CEP41: variants seen among roughly 807,000 people sequenced by gnomAD.
CEP41 encodes centrosomal protein of 41 kDa.
A neutral mutation model predicts 44.3 loss-of-function variants in CEP41; 32 were observed. The ratio of observed to expected loss-of-function variants is 0.72; its 90% CI spans 0.54 to 0.97. The LOEUF (loss-of-function observed/expected upper bound fraction) is 0.97. Ranked by LOEUF, CEP41 falls within the 50% of genes least tolerant of loss-of-function variation. The pLI is 0.00. For missense variants in CEP41, 432 were observed against 455.2 expected (o/e 0.95, Z 0.46); for synonymous variants, 151 against 168.5 (o/e 0.90, Z 0.80).
chr7:130,441,053 G>T (rs28403587), upstream of CEP41: 5 of 1,440,260 alleles, frequency 3.5e-6, no homozygotes, highest in Non-Finnish European at 3.9e-6. Flanking sequence ...TTGTTCAGCC[G>T]CCTCCCTATA....
At chr7:130,435,579 T>C (rs1163077956) in intron 1 of CEP41, among the ~76,000 whole-genome samples, 3 of 152,098 alleles carry the variant, frequency 2.0e-5, no homozygotes, top group Non-Finnish European at 2.9e-5. Context: ...ATAAAAAATA[T>C]TGACAGTGTT....
At chr7:130,439,589 G>A (rs782234832) in intron 1 of CEP41, among the ~76,000 whole-genome samples, 7 of 152,080 alleles carry the variant, frequency 4.6e-5, no homozygotes, top group South Asian at 2.1e-4. Context: ...CTATGAGCTG[G>A]ACTTTTTAAG....
intron 2 of CEP41, among the ~76,000 whole-genome samples, chr7:130,424,782 C>T (rs782583211): frequency 6.6e-6 from 1 of 151,836 alleles, no homozygotes; most frequent in African/African-American, 2.4e-5. Context: ...TCATTGGGAT[C>T]GAGGCCAGGC....
intron 1 of CEP41, among the ~76,000 whole-genome samples, chr7:130,436,322 G>A (rs1425099021): frequency 2.0e-5 from 3 of 151,854 alleles, no homozygotes; most frequent in East Asian, 1.9e-4. Flanking sequence ...GTCACATACT[G>A]TATGATTCCA....
intron 5 of CEP41, among the ~76,000 whole-genome samples, chr7:130,406,282 T>G (rs924502040): frequency 3.9e-5 from 6 of 152,130 alleles, no homozygotes. Context: ...AATAAAGTTT[T>G]TTTAAAAATA....
chr7:130,417,610 C>T (rs1708128577), intron 2 of CEP41, among the ~76,000 whole-genome samples: 1 of 152,166 alleles, frequency 6.6e-6, no homozygotes, highest in African/African-American at 2.4e-5. Flanking sequence ...TTCTATAATA[C>T]TAGTACTGGC....
chr7:130,397,727 T>A lies in CEP41; in HGVS notation c.*1164A>T, dbSNP rs1554415422. 2.2e-6 allele frequency: 1 copy of A among 454,040 alleles called. No homozygotes were observed. Among genetic ancestry groups the A allele is most frequent in the Non-Finnish European group, 4.4e-6 (1 of 226,662 alleles). 28.1% of individuals were successfully genotyped at this position (454,040 alleles called of 1,614,324 possible). On this transcript the variant is annotated 3_prime_UTR_variant, in exon 11 of 11. Coordinates refer to ENST00000223208, the MANE Select transcript of CEP41 (RefSeq NM_018718.3). ...GCTCTTTTCCATCTGATTTCAGAGT[T>A]CCTCATCCTTACCTGAGGCCTTTTG...
At chr7:130,421,907 T>C (rs1797520284) in intron 2 of CEP41, 1 of 1,532,946 alleles carries the variant, frequency 6.5e-7, no homozygotes, top group South Asian at 1.2e-5. Flanking sequence ...AACCCTGCGG[T>C]GGTGACTGAA....
upstream of CEP41, chr7:130,441,041 C>T (rs546314125): frequency 3.2e-5 from 49 of 1,512,002 alleles, no homozygotes; most frequent in Middle Eastern, 3.4e-4. Flanking sequence ...ACCCCCACAA[C>T]CTTGTTCAGC....
At chr7:130,407,966 T>A (rs1192183087) in intron 5 of CEP41, among the ~76,000 whole-genome samples, 2 of 152,188 alleles carry the variant, frequency 1.3e-5, no homozygotes, top group African/African-American at 4.8e-5. Context: ...ATTAGCTCTT[T>A]AATATAATGT....
At chr7:130,421,316 C>T in intron 2 of CEP41, 1 of 985,414 alleles carries the variant, frequency 1.0e-6, no homozygotes. Flanking sequence ...TGCTAAGAGA[C>T]AACTCCATGG....
At chr7:130,413,420 A>G (rs1797242461) in intron 3 of CEP41, among the ~76,000 whole-genome samples, 1 of 152,212 alleles carries the variant, frequency 6.6e-6, no homozygotes, top group African/African-American at 2.4e-5. Flanking sequence ...ATCCCAACTA[A>G]TAATACAAAA....
intron 2 of CEP41, among the ~76,000 whole-genome samples, chr7:130,424,760 T>C (rs1797612041): frequency 6.6e-6 from 1 of 151,772 alleles, no homozygotes; most frequent in Admixed American, 6.6e-5. Context: ...AAAATCATGG[T>C]AGAAAAAAAA....
At chr7:130,409,157 TC>T (rs1325732447) in intron 5 of CEP41, among the ~76,000 whole-genome samples, 1 of 152,238 alleles carries the variant, frequency 6.6e-6, no homozygotes, top group African/African-American at 2.4e-5. Context: ...TTTTTATTTA[TC>T]CCTTCAAAGA....
At chr7:130,440,205 G>A (rs1258433393) in intron 1 of CEP41, among the ~76,000 whole-genome samples, 2 of 152,098 alleles carry the variant, frequency 1.3e-5, no homozygotes, top group South Asian at 2.1e-4. Flanking sequence ...ATTTTTAGTA[G>A]AGACGGGGTT....
At chr7:130,422,581 G>C (rs1417633554) in intron 2 of CEP41, among the ~76,000 whole-genome samples, 1 of 152,112 alleles carries the variant, frequency 6.6e-6, no homozygotes, top group Non-Finnish European at 1.5e-5. Context: ...AATACACAGG[G>C]AGGTAAGTCA....
chr7:130,412,058 A>G (rs1484062516), intron 4 of CEP41, 121 bp downstream of exon 4: 1 of 760,284 alleles, frequency 1.3e-6, no homozygotes, highest in Non-Finnish European at 2.4e-6. Flanking sequence ...CCATAGCTGA[A>G]CGACATACAA....
In CEP41 at chr7:130,397,268, T is replaced by C. The variant is rs1421580730; in HGVS notation, c.*1623A>G. 2.2e-6 allele frequency: 1 copy of C among 454,364 alleles called. No homozygotes were observed. Among genetic ancestry groups the C allele is most frequent in the Non-Finnish European group, 4.4e-6 (1 of 226,790 alleles). 28.1% of individuals were successfully genotyped at this position (454,364 alleles called of 1,614,324 possible). ...TACGTTGGCTGAATTTTATACAAGA[T>C]TCTTGAATCTTGTGGAAAATTGGGC... On this transcript the variant is annotated 3_prime_UTR_variant, in exon 11 of 11. Transcript: ENST00000223208.
At chr7:130,413,380 T>G (rs541161186) in intron 3 of CEP41, among the ~76,000 whole-genome samples, 1 of 152,234 alleles carries the variant, frequency 6.6e-6, no homozygotes, top group Admixed American at 6.5e-5. Flanking sequence ...ATAATACAAC[T>G]AATAATACAA....
Sources: gnomAD v4.1 joint callset for allele counts (sites outside exome capture counted in the v4.1 genomes callset) on GRCh38, gnomAD v4.1.1 for gene constraint, MANE v1.5 for transcripts, NCBI Gene and HGNC (gene_info 2026-07-23, HGNC 2026-07-21) for gene names.